Variants in SNX29 observed in about 807,000 individuals in gnomAD.
SNX29 encodes sorting nexin-29.
SNX29 carries 78 observed loss-of-function variants against 102.1 expected under a neutral mutation model. The ratio of observed to expected loss-of-function variants is 0.76; its 90% CI spans 0.64 to 0.92. The LOEUF (loss-of-function observed/expected upper bound fraction) is 0.92. Among genes scored for constraint, SNX29 ranks in the 40% least tolerant of loss-of-function variants. SNX29 has a pLI of 0.00. For missense variants in SNX29, 1,280 were observed against 1,061.7 expected (o/e 1.21, Z -2.86); for synonymous variants, 580 against 414.5 (o/e 1.40, Z -4.85).
intron 15 of SNX29, among the ~76,000 whole-genome samples, chr16:12,345,264 G>A (rs957226350): frequency 3.9e-5 from 6 of 152,190 alleles, no homozygotes; most frequent in African/African-American, 1.2e-4. Context: ...ATAGAACATG[G>A]GTCTGGGCGT....
intron 16 of SNX29, among the ~76,000 whole-genome samples, chr16:12,365,758 G>T (rs1335194266): frequency 6.7e-6 from 1 of 150,304 alleles, no homozygotes; most frequent in East Asian, 2.0e-4. Context: ...AAGCAGAACA[G>T]TGGGCCGGGC....
chr16:12,357,607 C>A lies in SNX29; in HGVS notation c.1899+1328C>A, dbSNP rs533145815. On this transcript the variant is annotated intron_variant, in intron 16 of 20. Transcript: ENST00000566228. ...ACAGTTGAGTGGCATTAAGTACGTTCACACATTTTGAGGCCATCGCCACCA... is the reference window on the plus strand; with the variant it reads ...ACAGTTGAGTGGCATTAAGTACGTTAACACATTTTGAGGCCATCGCCACCA... Among the ~76,000 whole-genome samples the A allele has an allele frequency of 3.9e-5, 6 of 152,274 alleles. No individual in the cohort carries two copies. In the East Asian group the frequency reaches 9.6e-4, roughly 24 times the overall value.
At chr16:12,361,261 G>A (rs780638960) in intron 16 of SNX29, among the ~76,000 whole-genome samples, 49 of 152,204 alleles carry the variant, frequency 3.2e-4, no homozygotes, top group Non-Finnish European at 5.3e-4. Flanking sequence ...GGCTAGCCTT[G>A]CAAGAGAGGG....
At position 12,560,194 on chromosome 16, in the gene SNX29, G is replaced by C. The variant is rs1026303558; in HGVS notation, c.2319-8312G>C. On this transcript the variant is annotated intron_variant, in intron 20 of 20. Coordinates refer to ENST00000566228, the MANE Select transcript of SNX29 (RefSeq NM_032167.5). ...TTTTTTTTAATTCACCATTTAACTT[G>C]TGCTTGTAGAAGAGCAACTACACAG... 6.1e-4 allele frequency among the ~76,000 whole-genome samples: 80 copies of C among 131,708 alleles called. 1 individual carries two copies. Among genetic ancestry groups the C allele is most frequent in the Non-Finnish European group, 1.4e-4 (9 of 65,350 alleles). The allele number at this position is 131,708 out of a possible 152,430, so 86.4% of individuals were successfully genotyped here. A position where few individuals can be genotyped will look rare whatever the true frequency, so the allele number is the denominator to read the frequency against.
chr16:12,299,864 A>G (rs1286601985), intron 15 of SNX29, among the ~76,000 whole-genome samples: 3 of 151,032 alleles, frequency 2.0e-5, no homozygotes, highest in Non-Finnish European at 2.9e-5. Flanking sequence ...AATGGCATAA[A>G]TAAAATTTCT....
chr16:12,277,258 C>A (rs35818743), intron 14 of SNX29, among the ~76,000 whole-genome samples: 2 of 151,952 alleles, frequency 1.3e-5, no homozygotes, highest in Non-Finnish European at 2.9e-5. Flanking sequence ...AACTAGCCTG[C>A]TGCAGCAGGG....
At chr16:12,174,104 T>A (rs2076209182) in intron 13 of SNX29, among the ~76,000 whole-genome samples, 1 of 152,182 alleles carries the variant, frequency 6.6e-6, no homozygotes, top group African/African-American at 2.4e-5. Context: ...TATTAGTGGT[T>A]CTGCAGAAGC....
rs117223155 is a variant in SNX29, at chr16:12,267,698, C to G, written c.1679-10235C>G. ...CTGTAGCTGGAGGCTGTTGGGTAAC[C>G]GCATTCCTCGCAATGGAACGGCAAG... is the stretch of plus-strand genomic sequence containing the variant. On this transcript the variant is annotated intron_variant, in intron 14 of 20. Transcript: ENST00000566228. 3.1e-3 allele frequency among the ~76,000 whole-genome samples: 470 copies of G among 152,280 alleles called. 1 individual carries two copies. The highest frequency in any genetic ancestry group is 5.3e-3 in the Non-Finnish European group (358 of 68,016).
chr16:12,026,972 A>T (rs1448776161), intron 3 of SNX29, among the ~76,000 whole-genome samples: 2 of 152,040 alleles, frequency 1.3e-5, no homozygotes, highest in Non-Finnish European at 2.9e-5. Context: ...TTAACATCCA[A>T]CCGCTCCCCA....
intron 14 of SNX29, among the ~76,000 whole-genome samples, chr16:12,269,710 C>A (rs188048517): frequency 6.6e-6 from 1 of 152,140 alleles, no homozygotes; most frequent in Non-Finnish European, 1.5e-5. Context: ...TAACCAATGT[C>A]TTGAAGCCTT....
intron 2 of SNX29, among the ~76,000 whole-genome samples, chr16:12,002,090 C>T (rs1567512959): frequency 6.6e-6 from 1 of 150,914 alleles, no homozygotes; most frequent in Admixed American, 6.6e-5. Flanking sequence ...TTGAAATTTA[C>T]ACCTAAAGAT....
intron 18 of SNX29, chr16:12,443,165 C>G: frequency 2.6e-6 from 1 of 382,628 alleles, no homozygotes; most frequent in Non-Finnish European, 5.1e-6. Flanking sequence ...TGGGCTTTCT[C>G]TGTCATGCTC....
intron 19 of SNX29, among the ~76,000 whole-genome samples, chr16:12,517,248 C>T (rs1301024373): frequency 6.6e-6 from 1 of 152,182 alleles, no homozygotes; most frequent in Non-Finnish European, 1.5e-5. Flanking sequence ...TGAATTTTGG[C>T]TGCCACCCTA....
chr16:12,393,365 A>C (rs568003242), intron 16 of SNX29, among the ~76,000 whole-genome samples: 1 of 142,264 alleles, frequency 7.0e-6, no homozygotes, highest in African/African-American at 2.9e-5. Flanking sequence ...CAGGGTGGAA[A>C]CATAGCATAT....
intron 9 of SNX29, among the ~76,000 whole-genome samples, chr16:12,066,333 T>G (rs961961594): frequency 6.6e-6 from 1 of 152,128 alleles, no homozygotes; most frequent in East Asian, 1.9e-4. Context: ...GGAGGTCATT[T>G]TGGGGGCACT....
At chr16:12,246,470 A>C (rs2078262454) in intron 14 of SNX29, among the ~76,000 whole-genome samples, 1 of 152,040 alleles carries the variant, frequency 6.6e-6, no homozygotes, top group African/African-American at 2.4e-5. Flanking sequence ...GTGAAACCCC[A>C]TCTCTCTTAA....
chr16:12,103,647 C>T (rs542592480), intron 11 of SNX29, among the ~76,000 whole-genome samples: 4 of 152,186 alleles, frequency 2.6e-5, no homozygotes, highest in Non-Finnish European at 5.9e-5. Flanking sequence ...GACTTCATGA[C>T]TAAAACACCA....
chr16:12,175,978 C>G (rs1284941846), intron 13 of SNX29, among the ~76,000 whole-genome samples: 1 of 151,876 alleles, frequency 6.6e-6, no homozygotes. Context: ...TGCGGTCCAG[C>G]CTGGGCAATA....
chr16:12,371,502 C>T (rs1406896758), intron 16 of SNX29, among the ~76,000 whole-genome samples: 2 of 152,172 alleles, frequency 1.3e-5, no homozygotes, highest in Admixed American at 1.3e-4. Flanking sequence ...GAGACAGGGT[C>T]TTTCTATGTT....
Sources: gnomAD v4.1 joint callset for allele counts (sites outside exome capture counted in the v4.1 genomes callset) on GRCh38, gnomAD v4.1.1 for gene constraint, MANE v1.5 for transcripts, NCBI Gene and HGNC (gene_info 2026-07-23, HGNC 2026-07-21) for gene names.